ADAMTS6: variants seen among roughly 807,000 people sequenced by gnomAD.
ADAMTS6 encodes the protein ADAM metallopeptidase with thrombospondin type 1 motif 6, also known as A disintegrin and metalloproteinase with thrombospondin motifs 6.
Under a neutral mutation model 144.3 loss-of-function variants are expected in ADAMTS6, and 23 were observed. The observed-to-expected ratio is 0.16, with a 90% CI of 0.11 to 0.23. The LOEUF is 0.23. Ranked by LOEUF, ADAMTS6 falls within the 10% of genes least tolerant of loss-of-function variation. ADAMTS6 has a pLI of 1.00. For synonymous variants in ADAMTS6, 444 were observed against 457.5 expected (o/e 0.97, Z 0.38); for missense variants, 999 against 1,379.6 (o/e 0.72, Z 4.37).
intron 15 of ADAMTS6, among the ~76,000 whole-genome samples, chr5:65,235,330 A>G (rs2112460089): frequency 6.6e-6 from 1 of 152,326 alleles, no homozygotes; most frequent in Middle Eastern, 3.4e-3. Context: ...CACCTTAACT[A>G]TATACAATTT....
intron 7 of ADAMTS6, among the ~76,000 whole-genome samples, chr5:65,442,969 G>A (rs1331888139): frequency 6.6e-6 from 1 of 152,138 alleles, no homozygotes; most frequent in Non-Finnish European, 1.5e-5. Context: ...TGAGGATGAT[G>A]GCTTCCAATT....
intron 9 of ADAMTS6, among the ~76,000 whole-genome samples, chr5:65,315,826 A>G (rs1255111220): frequency 6.6e-6 from 1 of 152,232 alleles, no homozygotes; most frequent in Non-Finnish European, 1.5e-5. Context: ...GTATGCACCT[A>G]ACAACCAAGT....
chr5:65,253,330 G>A (rs1427688699), intron 14 of ADAMTS6, among the ~76,000 whole-genome samples: 1 of 152,032 alleles, frequency 6.6e-6, no homozygotes, highest in Non-Finnish European at 1.5e-5. Flanking sequence ...TTATTTTTTT[G>A]AGCACTGATT....
intron 2 of ADAMTS6, 146 bp from the exon 3 acceptor site, chr5:65,471,288 A>T (rs1171115577): frequency 7.0e-6 from 5 of 717,226 alleles, no homozygotes; most frequent in Non-Finnish European, 2.0e-6. Flanking sequence ...AAAAAAAGTT[A>T]TATTAAACAA....
At position 65,398,334 on chromosome 5, in the gene ADAMTS6, T is replaced by C. The variant is rs115229242; in HGVS notation, c.1073+53141A>G. 5.0e-3 allele frequency among the ~76,000 whole-genome samples: 759 copies of C among 152,320 alleles called. 7 individuals carry two copies. The highest frequency in any genetic ancestry group is 0.021 in the South Asian group (102 of 4,826). On this transcript the variant is annotated intron_variant, in intron 7 of 24. Coordinates refer to ENST00000381055, the MANE Select transcript of ADAMTS6 (RefSeq NM_197941.4). ...TTGTTAGGCAAATATACATTAAAGA[T>C]TGTTATGTCTCTTGCAGAACTGACT...
chr5:65,332,667 T>C (rs1746877177), intron 8 of ADAMTS6, among the ~76,000 whole-genome samples: 1 of 152,048 alleles, frequency 6.6e-6, no homozygotes, highest in South Asian at 2.1e-4. Context: ...TCCTACATCA[T>C]AGATAACAAA....
At position 65,360,236 on chromosome 5, in the gene ADAMTS6, G is replaced by A. The variant is rs986705070; in HGVS notation, c.1074-26151C>T. ...AGATGGCCAGAGCAGGAGGAAGAGA[G>A]AGAAGTAGAAGGTGCTACACACTTT... is the stretch of plus-strand genomic sequence containing the variant. On this transcript the variant is annotated intron_variant, in intron 7 of 24. Transcript: ENST00000381055. Among the ~76,000 whole-genome samples, 5 of 152,164 alleles carry A rather than the reference G, an allele frequency of 3.3e-5. No homozygotes were observed. In the South Asian group the frequency reaches 8.3e-4, roughly 25 times the overall value.
In ADAMTS6 at chr5:65,460,243, G is replaced by A. The variant is rs374865999; in HGVS notation, c.558C>T (p.His186=). 9 of 1,613,928 alleles carry A rather than the reference G, an allele frequency of 5.6e-6. No individual in the cohort carries two copies. The African/African-American group carries it at 1.1e-4, about 19-fold the overall frequency. ...DSKHFSYENG[H]PHVIYKKSAL... Reference sequence around the variant, plus strand: ...CAGACTTTTTGTAAATAACATGAGGGTGGCCATTTTCATAACTAAAATGCT... The same window carrying A: ...CAGACTTTTTGTAAATAACATGAGGATGGCCATTTTCATAACTAAAATGCT... The change falls in exon 4 of 25, where the codon CAC becomes CAT. Residue 186 remains histidine (H), a synonymous_variant. Coordinates refer to ENST00000381055, the MANE Select transcript of ADAMTS6 (RefSeq NM_197941.4).
chr5:65,458,423 T>G (rs1221322728), intron 4 of ADAMTS6, among the ~76,000 whole-genome samples: 1 of 152,218 alleles, frequency 6.6e-6, no homozygotes, highest in Non-Finnish European at 1.5e-5. Context: ...TTCTTTTTTT[T>G]GTTTTTGAGA....
intron 21 of ADAMTS6, among the ~76,000 whole-genome samples, chr5:65,191,396 T>C (rs1755010023): frequency 6.6e-6 from 1 of 152,140 alleles, no homozygotes. Context: ...AAAACCAGAA[T>C]ATTGTTTTTG....
intron 9 of ADAMTS6, among the ~76,000 whole-genome samples, chr5:65,328,716 T>C (rs532669686): frequency 6.6e-6 from 1 of 152,000 alleles, no homozygotes; most frequent in South Asian, 2.1e-4. Flanking sequence ...TCCACATGAA[T>C]AGGCTTTCAT....
intron 15 of ADAMTS6, among the ~76,000 whole-genome samples, chr5:65,241,515 G>A (rs1718159424): frequency 6.6e-6 from 1 of 152,056 alleles, no homozygotes; most frequent in Non-Finnish European, 1.5e-5. Context: ...ACAGGAATAA[G>A]CCACTATGCC....
At chr5:65,474,964 A>G (rs1760744479) in intron 1 of ADAMTS6, among the ~76,000 whole-genome samples, 1 of 152,108 alleles carries the variant, frequency 6.6e-6, no homozygotes, top group Non-Finnish European at 1.5e-5. Context: ...ACTATGCCTG[A>G]GTCCAAAATA....
At chr5:65,461,398 C>T (rs1398545518) in intron 3 of ADAMTS6, among the ~76,000 whole-genome samples, 1 of 152,174 alleles carries the variant, frequency 6.6e-6, no homozygotes, top group Non-Finnish European at 1.5e-5. Context: ...TCAGTTAAAA[C>T]CATAGAAAGT....
intron 12 of ADAMTS6, among the ~76,000 whole-genome samples, chr5:65,272,173 C>T (rs899757199): frequency 6.6e-6 from 1 of 152,126 alleles, no homozygotes; most frequent in African/African-American, 2.4e-5. Context: ...CAGCATAATC[C>T]TTGTTGAAAC....
At chr5:65,335,763 T>C (rs1325252764) in intron 7 of ADAMTS6, among the ~76,000 whole-genome samples, 1 of 152,020 alleles carries the variant, frequency 6.6e-6, no homozygotes, top group Admixed American at 6.6e-5. Flanking sequence ...AATGTAAAAA[T>C]AGTTAGAGTT....
At chr5:65,305,730 G>A (rs956625897) in intron 9 of ADAMTS6, among the ~76,000 whole-genome samples, 2 of 151,834 alleles carry the variant, frequency 1.3e-5, no homozygotes, top group Non-Finnish European at 2.9e-5. Context: ...TTAGGAACAC[G>A]AACACAGAGA....
chr5:65,376,508 C>T (rs1751565931), intron 7 of ADAMTS6, among the ~76,000 whole-genome samples: 2 of 151,836 alleles, frequency 1.3e-5, no homozygotes, highest in South Asian at 2.1e-4. Flanking sequence ...ATAGTTAGTT[C>T]CCCAAATTCA....
chr5:65,475,963 T>TCC (rs1760814320), intron 1 of ADAMTS6, among the ~76,000 whole-genome samples: 1 of 152,208 alleles, frequency 6.6e-6, no homozygotes, highest in Non-Finnish European at 1.5e-5. Flanking sequence ...ATTCCCTTGC[T>TCC]CCCCTCCTCT....
Sources: gnomAD v4.1 joint callset for allele counts (sites outside exome capture counted in the v4.1 genomes callset) on GRCh38, gnomAD v4.1.1 for gene constraint, MANE v1.5 for transcripts, NCBI Gene and HGNC (gene_info 2026-07-23, HGNC 2026-07-21) for gene names.